TMEM273: variants seen among roughly 807,000 people sequenced by gnomAD.
TMEM273 encodes the protein chromosome 10 open reading frame 128.
A neutral mutation model predicts 17.9 loss-of-function variants in TMEM273; 19 were observed. That is an observed-to-expected ratio of 1.06 (90% CI 0.74 to 1.55). The LOEUF (loss-of-function observed/expected upper bound fraction) is 1.55. Among genes scored for constraint, TMEM273 ranks in the 40% most tolerant of loss-of-function variants. The pLI is 0.00. For missense variants in TMEM273, 194 were observed against 155.6 expected (o/e 1.25, Z -1.31); for synonymous variants, 66 against 62.0 (o/e 1.07, Z -0.31).
chr10:49,156,516 C>T (rs41280543), intron 6 of TMEM273, among the ~76,000 whole-genome samples: 3,167 of 152,354 alleles, frequency 0.021, 57 homozygotes, highest in Non-Finnish European at 0.033. Flanking sequence ...ACTTATACCT[C>T]CATGCCTTGA....
intron 6 of TMEM273, among the ~76,000 whole-genome samples, chr10:49,156,943 G>A (rs555946577): frequency 9.8e-5 from 15 of 152,328 alleles, no homozygotes; most frequent in Non-Finnish European, 1.3e-4. Flanking sequence ...CTCAAATGCC[G>A]TCAGGGGTTT....
intron 1 of TMEM273, among the ~76,000 whole-genome samples, chr10:49,171,665 A>G (rs1846578393): frequency 6.6e-6 from 1 of 152,238 alleles, no homozygotes; most frequent in Admixed American, 6.5e-5. Context: ...AACAGCAAGA[A>G]GCCCTCTGCA....
In TMEM273 at chr10:49,164,664, G is replaced by A. The variant is rs574019402; in HGVS notation, c.348+541C>T. ...TCTGCCACACTGCATGTTTGTCAGC[G>A]GCAGGTTTTACCCATGATGCCTACA... On this transcript the variant is annotated intron_variant, in intron 5 of 6. Transcript: ENST00000374153. Among the ~76,000 whole-genome samples, 16 of 152,214 alleles carry A rather than the reference G, an allele frequency of 1.1e-4. No homozygotes were observed. In the South Asian group the frequency reaches 1.2e-3, roughly 12 times the overall value.
At chr10:49,162,255 T>G (rs1215068143) in intron 5 of TMEM273, among the ~76,000 whole-genome samples, 1 of 152,222 alleles carries the variant, frequency 6.6e-6, no homozygotes, top group Non-Finnish European at 1.5e-5. Flanking sequence ...CCCACACAGA[T>G]GTATGTGTGT....
chr10:49,170,568 G>A (rs1246776792), intron 1 of TMEM273, among the ~76,000 whole-genome samples: 2 of 152,172 alleles, frequency 1.3e-5, no homozygotes. Flanking sequence ...GGGACTGAGT[G>A]AATTCCCACT....
At chr10:49,175,773 G>C (rs549441883) in intron 1 of TMEM273, among the ~76,000 whole-genome samples, 1 of 152,224 alleles carries the variant, frequency 6.6e-6, no homozygotes, top group African/African-American at 2.4e-5. Flanking sequence ...TGTGAGCACT[G>C]AGCCACACCT....
chr10:49,168,221 G>C (rs1300783226), intron 1 of TMEM273, among the ~76,000 whole-genome samples: 2 of 152,150 alleles, frequency 1.3e-5, no homozygotes, highest in African/African-American at 4.8e-5. Context: ...TCTGACCCAA[G>C]CCTGCTCCAC....
At chr10:49,165,326 G>C (rs1436464324) in intron 4 of TMEM273, 43 bp from the exon 5 acceptor site, 2 of 1,550,336 alleles carry the variant, frequency 1.3e-6, no homozygotes, top group South Asian at 1.2e-5. Context: ...CAAGTGCAAA[G>C]GTCCCAAGGC....
At chr10:49,186,068 G>GGAGGAA (rs1554850043) in intron 1 of TMEM273, among the ~76,000 whole-genome samples, 35 of 67,088 alleles carry the variant, frequency 5.2e-4, no homozygotes, top group Non-Finnish European at 7.9e-4. Flanking sequence ...AAGAAGAAGA[G>GGAGGAA]GAAGAAGAAG....
chr10:49,177,451 A>G lies in TMEM273; in HGVS notation c.44-9489T>C, dbSNP rs142903744. Among the ~76,000 whole-genome samples the G allele has an allele frequency of 5.9e-5, 9 of 152,280 alleles. No homozygotes were observed. The East Asian group carries it at 1.7e-3, about 29-fold the overall frequency. ...CCTGAACTCTCAAAACAAGATAAAA[A>G]AGAAAAAAATTCTTCGCATTTGCAT... On this transcript the variant is annotated intron_variant, in intron 1 of 6. Transcript: ENST00000374153.
At chr10:49,169,991 C>A (rs1371877620) in intron 1 of TMEM273, among the ~76,000 whole-genome samples, 1 of 152,226 alleles carries the variant, frequency 6.6e-6, no homozygotes, top group East Asian at 1.9e-4. Flanking sequence ...CAGGCTCACC[C>A]CACGCCCTCC....
intron 6 of TMEM273, chr10:49,156,358 T>C: frequency 2.7e-6 from 3 of 1,095,914 alleles, no homozygotes; most frequent in Non-Finnish European, 3.6e-6. Context: ...GACTTCTCTG[T>C]GCTTGGTGTA....
At chr10:49,169,701 C>T (rs567704008) in intron 1 of TMEM273, among the ~76,000 whole-genome samples, 9 of 152,252 alleles carry the variant, frequency 5.9e-5, no homozygotes, top group African/African-American at 2.2e-4. Flanking sequence ...AGCTTCATTC[C>T]ATTGTCTTAT....
At chr10:49,161,675 G>A (rs1845851173) in intron 5 of TMEM273, 53 bp from the exon 6 acceptor site, 5 of 1,612,190 alleles carry the variant, frequency 3.1e-6, no homozygotes, top group East Asian at 4.5e-5. Flanking sequence ...AAGCCAGAAA[G>A]ACAATGCAAA....
rs918842735 is a variant in TMEM273, at chr10:49,165,422, C to T, written c.270-139G>A. On this transcript the variant is annotated intron_variant, in intron 4 of 6. Coordinates refer to ENST00000374153, the MANE Select transcript of TMEM273 (RefSeq NM_001288740.3). ...GGAAGCCCAGAAACCTGGGACAAAC[C>T]ACGTGTGACCTCCCAAGTGACAGGG... 1.9e-5 allele frequency: 28 copies of T among 1,502,792 alleles called. No individual in the cohort carries two copies. In the Middle Eastern group the frequency reaches 7.1e-4, roughly 38 times the overall value. 93.1% of individuals were successfully genotyped at this position (1,502,792 alleles called of 1,614,324 possible). A position where few individuals can be genotyped will look rare whatever the true frequency, so the allele number is the denominator to read the frequency against.
intron 1 of TMEM273, among the ~76,000 whole-genome samples, chr10:49,168,988 G>A (rs745887603): frequency 6.1e-5 from 9 of 148,388 alleles, no homozygotes; most frequent in Non-Finnish European, 9.2e-5. Context: ...ATTGCCATTC[G>A]CAAAATGAGG....
In TMEM273 at chr10:49,155,495, A is replaced by C. The variant is rs1336961748; in HGVS notation, c.*397T>G. ...AAAGTAGTGCCTAACTGTTGATAAG[A>C]TGGCAGTGTGTAGGAAGCTGTGTGT... On this transcript the variant is annotated 3_prime_UTR_variant, in exon 7 of 7. Coordinates refer to ENST00000374153, the MANE Select transcript of TMEM273 (RefSeq NM_001288740.3). 8.4e-6 allele frequency: 2 copies of C among 239,110 alleles called. No homozygotes were observed. Among genetic ancestry groups the C allele is most frequent in the Admixed American group, 5.9e-5 (1 of 17,006 alleles). 14.8% of individuals were successfully genotyped at this position (239,110 alleles called of 1,614,324 possible).
chr10:49,166,320 T>C (rs901912818), intron 3 of TMEM273: 7 of 198,438 alleles, frequency 3.5e-5, no homozygotes, highest in African/African-American at 1.7e-4. Context: ...GCTCAGTTTC[T>C]CTCTGAGGGC....
intron 5 of TMEM273, among the ~76,000 whole-genome samples, chr10:49,163,888 G>A (rs1424727089): frequency 6.6e-6 from 1 of 152,102 alleles, no homozygotes; most frequent in Non-Finnish European, 1.5e-5. Context: ...CCAAGCGCAT[G>A]ACTCCATGAG....
Sources: gnomAD v4.1 joint callset for allele counts (sites outside exome capture counted in the v4.1 genomes callset) on GRCh38, gnomAD v4.1.1 for gene constraint, MANE v1.5 for transcripts, NCBI Gene and HGNC (gene_info 2026-07-23, HGNC 2026-07-21) for gene names.